The following SH3RF2 variants were observed in gnomAD, a reference collection of about 807,000 sequenced individuals.
SH3RF2 encodes the protein SH3 domain containing ring finger 2.
A neutral mutation model predicts 59.0 loss-of-function variants in SH3RF2; 43 were observed. The observed-to-expected ratio is 0.73, with a 90% CI of 0.57 to 0.94. SH3RF2 has a LOEUF of 0.94. Ranked by LOEUF, SH3RF2 falls within the 40% of genes least tolerant of loss-of-function variation. SH3RF2 has a pLI of 0.00. For synonymous variants in SH3RF2, 391 were observed against 391.5 expected (o/e 1.00, Z 0.01); for missense variants, 930 against 940.1 (o/e 0.99, Z 0.14).
chr5:146,007,711 T>C (rs2149988990), intron 4 of SH3RF2, among the ~76,000 whole-genome samples: 1 of 152,312 alleles, frequency 6.6e-6, no homozygotes, highest in East Asian at 1.9e-4. Context: ...ACTTCACCTC[T>C]AAAATTAGCG....
At chr5:146,036,516 A>C (rs528489856) in intron 5 of SH3RF2, among the ~76,000 whole-genome samples, 1 of 152,146 alleles carries the variant, frequency 6.6e-6, no homozygotes, top group East Asian at 1.9e-4. Context: ...CCAACATGGC[A>C]AATCCCCATT....
intron 2 of SH3RF2, among the ~76,000 whole-genome samples, chr5:145,992,466 T>G (rs1759976601): frequency 6.6e-6 from 1 of 152,228 alleles, no homozygotes; most frequent in South Asian, 2.1e-4. Context: ...CTTGGGCAAC[T>G]TTTAAATTTT....
chr5:146,002,476 G>GGAAGGAAGGAA (rs2149985078), intron 3 of SH3RF2, among the ~76,000 whole-genome samples: 1 of 70,314 alleles, frequency 1.4e-5, no homozygotes, highest in African/African-American at 5.2e-5. Context: ...AGAAAAGGAA[G>GGAAGGAAGGAA]GAAGGAAGGA....
At chr5:145,978,472 C>T (rs970919754) in intron 2 of SH3RF2, among the ~76,000 whole-genome samples, 4 of 152,198 alleles carry the variant, frequency 2.6e-5, no homozygotes, top group African/African-American at 7.2e-5. Flanking sequence ...GCTTCGTCTA[C>T]TCTTCATGCC....
intron 4 of SH3RF2, among the ~76,000 whole-genome samples, chr5:146,008,089 G>A (rs1049456824): frequency 2.0e-5 from 3 of 152,282 alleles, no homozygotes; most frequent in Middle Eastern, 3.4e-3. Context: ...AATTGCACCC[G>A]CATTAAAAGG....
At chr5:146,028,857 G>A (rs955420101) in intron 5 of SH3RF2, among the ~76,000 whole-genome samples, 2 of 152,218 alleles carry the variant, frequency 1.3e-5, no homozygotes, top group Non-Finnish European at 2.9e-5. Context: ...CCACAGGTAG[G>A]ATGGGGAGAC....
At chr5:145,987,700 T>A (rs934931055) in intron 2 of SH3RF2, among the ~76,000 whole-genome samples, 14 of 151,868 alleles carry the variant, frequency 9.2e-5, no homozygotes, top group Admixed American at 6.6e-4. Context: ...CCATGAAGGG[T>A]CTTGACCATA....
intron 2 of SH3RF2, among the ~76,000 whole-genome samples, chr5:145,991,667 G>T (rs1759938323): frequency 6.6e-6 from 1 of 152,192 alleles, no homozygotes; most frequent in South Asian, 2.1e-4. Flanking sequence ...ATGGAGAAAA[G>T]ATGAAAATAG....
rs571789934 is a variant in SH3RF2 at position 146,013,519 on chromosome 5, G to C, written c.745-228G>C. ...ATCCCCTTTGGACCTCAGTAAAAGAGTAATACTTACTTTGCAGGAAAGTTA... is the reference window on the plus strand; with the variant it reads ...ATCCCCTTTGGACCTCAGTAAAAGACTAATACTTACTTTGCAGGAAAGTTA... On this transcript the variant is annotated intron_variant, in intron 4 of 9. Transcript: ENST00000359120. 2.0e-5 allele frequency among the ~76,000 whole-genome samples: 3 copies of C among 152,292 alleles called. No individual in the cohort carries two copies. The East Asian group carries it at 5.8e-4, about 29-fold the overall frequency.
intron 2 of SH3RF2, among the ~76,000 whole-genome samples, chr5:145,986,770 C>A (rs1184788125): frequency 3.3e-5 from 5 of 152,140 alleles, no homozygotes; most frequent in African/African-American, 1.2e-4. Context: ...GAAATGAGAT[C>A]ACCTCAAAGA....
chr5:145,995,116 G>A (rs1760096839), intron 2 of SH3RF2, among the ~76,000 whole-genome samples: 1 of 152,082 alleles, frequency 6.6e-6, no homozygotes, highest in Admixed American at 6.6e-5. Context: ...CTGAAACCCA[G>A]GCCCCTTCCC....
intron 2 of SH3RF2, among the ~76,000 whole-genome samples, chr5:145,980,572 G>T (rs999544729): frequency 6.6e-6 from 1 of 152,094 alleles, no homozygotes; most frequent in Admixed American, 6.6e-5. Flanking sequence ...CTTTTACATA[G>T]ATTCTAGCAT....
chr5:146,069,186 G>A (rs189496273), intron 9 of SH3RF2, among the ~76,000 whole-genome samples: 172 of 152,334 alleles, frequency 1.1e-3, no homozygotes, highest in Admixed American at 2.2e-3. Context: ...TGGCTTCTGT[G>A]CCTGAGATTC....
At chr5:146,030,062 C>G (rs1051381862) in intron 5 of SH3RF2, among the ~76,000 whole-genome samples, 3 of 152,208 alleles carry the variant, frequency 2.0e-5, no homozygotes, top group Non-Finnish European at 4.4e-5. Context: ...GCCCTGTTTT[C>G]TCACGCTGAG....
intron 2 of SH3RF2, among the ~76,000 whole-genome samples, chr5:145,965,740 T>C (rs1000199861): frequency 1.3e-5 from 2 of 152,300 alleles, no homozygotes; most frequent in Non-Finnish European, 2.9e-5. Context: ...ATTGGGTATA[T>C]AGTGCAGAAA....
intron 9 of SH3RF2, among the ~76,000 whole-genome samples, chr5:146,061,886 G>A (rs1023881536): frequency 3.9e-5 from 6 of 151,982 alleles, no homozygotes; most frequent in African/African-American, 1.5e-4. Flanking sequence ...ATTTTTATGT[G>A]TTGGCGAGTC....
intron 8 of SH3RF2, among the ~76,000 whole-genome samples, chr5:146,057,926 GTGTC>G (rs1561768231): frequency 5.8e-5 from 8 of 136,996 alleles, no homozygotes. Flanking sequence ...TGGGCTGTTA[GTGTC>G]TCTCTCTCTC....
chr5:145,989,643 A>G lies in SH3RF2; in HGVS notation c.379-10415A>G, dbSNP rs147326294. 2.3e-4 allele frequency among the ~76,000 whole-genome samples: 35 copies of G among 152,302 alleles called. No homozygotes were observed. The East Asian group carries it at 6.8e-3, about 29-fold the overall frequency. ...TCTCATGACCAGCTCAGGGAAGTAA[A>G]CCATTGATAAGCCATTAGCTCAGCA... On this transcript the variant is annotated intron_variant, in intron 2 of 9. Coordinates refer to ENST00000359120, the MANE Select transcript of SH3RF2 (RefSeq NM_152550.4).
chr5:146,005,412 T>C (rs1248873647), intron 4 of SH3RF2, among the ~76,000 whole-genome samples: 3 of 152,034 alleles, frequency 2.0e-5, no homozygotes, highest in Non-Finnish European at 4.4e-5. Context: ...GATTGGAGGG[T>C]TTGAAACAGA....
Sources: allele counts gnomAD v4.1 joint callset (sites outside exome capture counted in the v4.1 genomes callset), GRCh38; gene constraint gnomAD v4.1.1; transcripts MANE v1.5; gene names NCBI Gene and HGNC (gene_info 2026-07-23, HGNC 2026-07-21).